Variants in SYTL5 observed in about 807,000 individuals in gnomAD.
SYTL5 encodes synaptotagmin-like protein 5.
In SYTL5, 34 loss-of-function variants were observed where a neutral mutation model predicts 55.9. That is an observed-to-expected ratio of 0.61 (90% CI 0.46 to 0.81). The LOEUF (loss-of-function observed/expected upper bound fraction) is 0.81. Ranked by LOEUF, SYTL5 falls within the 30% of genes least tolerant of loss-of-function variation. The pLI is 0.00. For synonymous variants in SYTL5, 221 were observed against 188.7 expected (o/e 1.17, Z -1.40); for missense variants, 637 against 546.7 (o/e 1.17, Z -1.65).
At chrX:37,972,899 A>T in the SYTL5 span, among the ~76,000 whole-genome samples, 1 of 102,015 alleles carries the variant, frequency 9.8e-6, no homozygotes, top group Non-Finnish European at 2.1e-5. Flanking sequence ...GGTTAAAGAT[A>T]AAGTATTGTG....
At chrX:38,013,770 C>G (rs1228522705) in intron 1 of SYTL5, among the ~76,000 whole-genome samples, 2 of 111,043 alleles carry the variant, frequency 1.8e-5, no homozygotes, top group African/African-American at 6.6e-5. Flanking sequence ...CTCACCCCAT[C>G]TCCAGCATCT....
the SYTL5 span, among the ~76,000 whole-genome samples, chrX:37,942,982 C>A: frequency 1.8e-5 from 2 of 111,546 alleles, no homozygotes; most frequent in African/African-American, 3.3e-5. Context: ...TAATTTGGCT[C>A]TCATTCATTT....
the SYTL5 span, among the ~76,000 whole-genome samples, chrX:37,917,125 A>G: frequency 1.8e-5 from 2 of 111,285 alleles, no homozygotes; most frequent in Admixed American, 1.9e-4. Context: ...TATAAAGGGT[A>G]TATACTATCA....
intron 6 of SYTL5, among the ~76,000 whole-genome samples, chrX:38,078,998 T>C (rs955356595): frequency 8.9e-6 from 1 of 112,170 alleles, no homozygotes; most frequent in African/African-American, 3.2e-5. Context: ...TAGAGCAAAA[T>C]GTCCTTTCCC....
intron 1 of SYTL5, among the ~76,000 whole-genome samples, chrX:38,032,068 C>T (rs965948088): frequency 4.5e-5 from 5 of 112,083 alleles, no homozygotes; most frequent in Non-Finnish European, 9.4e-5. Context: ...TGGACAAGAT[C>T]CTCTCCTTTC....
intron 3 of SYTL5, among the ~76,000 whole-genome samples, chrX:38,061,960 A>ATTTTTTCT (rs1319907431): frequency 9.1e-6 from 1 of 109,310 alleles, no homozygotes; most frequent in Admixed American, 9.8e-5. Context: ...AACATGAAAT[A>ATTTTTTCT]TTTTTTCTTT....
the SYTL5 span, among the ~76,000 whole-genome samples, chrX:37,940,244 G>C: frequency 9.0e-6 from 1 of 110,655 alleles, no homozygotes; most frequent in African/African-American, 3.3e-5. Flanking sequence ...AGAGGAAGCA[G>C]AAACATGGAT....
At chrX:37,963,713 A>G in the SYTL5 span, among the ~76,000 whole-genome samples, 1 of 111,822 alleles carries the variant, frequency 8.9e-6, no homozygotes, top group African/African-American at 3.3e-5. Context: ...TTCCTATTTG[A>G]ATGCCTTTTA....
chrX:38,083,078 T>C (rs186036053), intron 6 of SYTL5, among the ~76,000 whole-genome samples: 98 of 112,110 alleles, frequency 8.7e-4, no homozygotes, highest in African/African-American at 2.8e-3. Flanking sequence ...AACACTCCCC[T>C]TTTTTGTGTG....
At chrX:38,121,963 T>C (rs1384749392) in intron 14 of SYTL5, 117 bp from the exon 15 acceptor site, 1 of 723,639 alleles carries the variant, frequency 1.4e-6, no homozygotes, top group Non-Finnish European at 1.9e-6. Flanking sequence ...CCCAAATTAG[T>C]CAGCAAATGA....
intron 9 of SYTL5, among the ~76,000 whole-genome samples, chrX:38,099,562 G>A (rs922590699): frequency 1.3e-4 from 14 of 110,863 alleles, no homozygotes; most frequent in South Asian, 3.8e-4. Context: ...CAATTTAGAT[G>A]CCTTTTATTT....
At chrX:38,030,093 G>T (rs953236238) in intron 1 of SYTL5, among the ~76,000 whole-genome samples, 3 of 111,256 alleles carry the variant, frequency 2.7e-5, no homozygotes, top group African/African-American at 9.8e-5. Context: ...TCAGCGGTGG[G>T]TGGGGACTTT....
the SYTL5 span, among the ~76,000 whole-genome samples, chrX:37,919,463 G>T: frequency 9.0e-6 from 1 of 111,521 alleles, no homozygotes; most frequent in Non-Finnish European, 1.9e-5. Flanking sequence ...ATCTCTGTCT[G>T]CCCCATATTC....
At chrX:37,943,803 T>C in the SYTL5 span, among the ~76,000 whole-genome samples, 1 of 111,158 alleles carries the variant, frequency 9.0e-6, no homozygotes, top group African/African-American at 3.3e-5. Context: ...TCTCCCAGCC[T>C]GTGTTTCATT....
At chrX:37,934,638 T>TC in the SYTL5 span, among the ~76,000 whole-genome samples, 1 of 106,557 alleles carries the variant, frequency 9.4e-6, no homozygotes, top group African/African-American at 3.6e-5. Flanking sequence ...TCTTTTTTTT[T>TC]TCTTTTTTTT....
the SYTL5 span, among the ~76,000 whole-genome samples, chrX:37,904,271 G>A: frequency 3.8e-5 from 4 of 105,017 alleles, no homozygotes; most frequent in East Asian, 3.0e-4. Flanking sequence ...GGTCCGGGGG[G>A]GGGGGTGATA....
At chrX:38,058,060 G>A (rs1935840805) in intron 3 of SYTL5, among the ~76,000 whole-genome samples, 1 of 111,393 alleles carries the variant, frequency 9.0e-6, no homozygotes, top group Non-Finnish European at 1.9e-5. Context: ...CCTATGTGAT[G>A]TTTTATAATT....
chrX:38,080,517 A>C (rs1052531986), intron 6 of SYTL5, among the ~76,000 whole-genome samples: 1 of 111,249 alleles, frequency 9.0e-6, no homozygotes, highest in African/African-American at 3.3e-5. Flanking sequence ...GTCTCTGTGA[A>C]GCTTCACAAG....
At chrX:38,081,396 T>A (rs776945859) in intron 6 of SYTL5, among the ~76,000 whole-genome samples, 5 of 111,245 alleles carry the variant, frequency 4.5e-5, no homozygotes, top group Non-Finnish European at 9.4e-5. Context: ...ACCTTATCAG[T>A]GGGAGATACA....
Sources: gnomAD v4.1 joint callset for allele counts (sites outside exome capture counted in the v4.1 genomes callset) on GRCh38, gnomAD v4.1.1 for gene constraint, MANE v1.5 for transcripts, NCBI Gene and HGNC (gene_info 2026-07-23, HGNC 2026-07-21) for gene names.